Variants in COMMD7 observed in about 807,000 individuals in gnomAD.
The protein encoded by COMMD7 is COMM domain containing 7.
In COMMD7, 28 loss-of-function variants were observed where a neutral mutation model predicts 34.8. The observed-to-expected ratio is 0.80, with a 90% confidence interval of 0.60 to 1.10. The LOEUF (loss-of-function observed/expected upper bound fraction) is 1.10. Ranked by LOEUF, COMMD7 falls within the 50% of genes least tolerant of loss-of-function variation. The pLI, the probability that COMMD7 is intolerant of heterozygous loss-of-function variation, is 0.00. For synonymous variants in COMMD7, 80 were observed against 86.4 expected (o/e 0.93, Z 0.41); for missense variants, 211 against 241.6 (o/e 0.87, Z 0.84).
At chr20:32,721,951 T>C (rs1260053654) in intron 3 of COMMD7, among the ~76,000 whole-genome samples, 1 of 148,898 alleles carries the variant, frequency 6.7e-6, no homozygotes, top group Non-Finnish European at 1.5e-5. Context: ...GTCCCAGCTA[T>C]TTGGGAGGCT....
chr20:32,737,075 T>C (rs1032542530), intron 1 of COMMD7, among the ~76,000 whole-genome samples: 1 of 150,656 alleles, frequency 6.6e-6, no homozygotes, highest in Admixed American at 6.6e-5. Context: ...CCAGCCACTC[T>C]GGAGGCTGAG....
Position 32,703,301 on chromosome 20 carries a change from G to A in COMMD7, c.*81C>T. ...CCCATGGAGCATCCCACAGGCCTGT[G>A]AGTGAAGTGCCTCTCAGAGCAGTCA... On this transcript the variant is annotated 3_prime_UTR_variant, in exon 9 of 9. Coordinates refer to ENST00000278980, the MANE Select transcript of COMMD7 (RefSeq NM_053041.3). 1 of 1,292,654 alleles carries A rather than the reference G, an allele frequency of 7.7e-7. No individual in the cohort carries two copies. Among genetic ancestry groups the A allele is most frequent in the Non-Finnish European group, 1.1e-6 (1 of 909,102 alleles). The allele number at this position is 1,292,654 out of a possible 1,614,324, so 80.1% of individuals were successfully genotyped here. A position where few individuals can be genotyped will look rare whatever the true frequency, so the allele number is the denominator to read the frequency against.
intron 1 of COMMD7, among the ~76,000 whole-genome samples, chr20:32,734,544 T>C (rs770470338): frequency 1.3e-5 from 2 of 151,916 alleles, no homozygotes; most frequent in East Asian, 3.9e-4. Context: ...TCTATATATA[T>C]ATAAAAATTC....
chr20:32,743,382 G>C lies in COMMD7; in HGVS notation c.10C>G (p.Leu4Val), dbSNP rs1568801606. Residue 4 changes from leucine to valine, a missense_variant, in exon 1 of 9, where the codon CTG becomes GTG. Transcript: ENST00000278980. MGR[L>V]HCTEDPVPEA... ...GGCACCGGGTCCTCAGTGCAGTGCA[G>C]GCGGCCCATGGCGCGCGCCCCAGCC... The C allele has an allele frequency of 1.1e-5, 16 of 1,400,430 alleles. No individual in the cohort carries two copies. The highest frequency in any genetic ancestry group is 1.5e-5 in the African/African-American group (1 of 66,384). The allele number at this position is 1,400,430 out of a possible 1,614,324, so 86.8% of individuals were successfully genotyped here.
intron 3 of COMMD7, 134 bp downstream of exon 3, chr20:32,727,757 GAC>G: frequency 1.4e-6 from 1 of 701,326 alleles, no homozygotes; most frequent in South Asian, 1.7e-5. Context: ...TCCCTCCAGA[GAC>G]AGAGTCCCAC....
chr20:32,719,128 C>G (rs770611892), intron 3 of COMMD7, among the ~76,000 whole-genome samples: 1 of 152,138 alleles, frequency 6.6e-6, no homozygotes, highest in Non-Finnish European at 1.5e-5. Context: ...CCTTGAATGC[C>G]AAACTGAGGC....
At chr20:32,704,953 CCT>C (rs1568770541) in intron 5 of COMMD7, 49 bp from the exon 6 acceptor site, 3 of 1,280,770 alleles carry the variant, frequency 2.3e-6, no homozygotes, top group African/African-American at 2.9e-5. Flanking sequence ...AAAATCTCCC[CCT>C]CTCCATCCTG....
At chr20:32,707,393 C>A (rs1300007538) in intron 3 of COMMD7, among the ~76,000 whole-genome samples, 2 of 151,232 alleles carry the variant, frequency 1.3e-5, no homozygotes, top group African/African-American at 4.8e-5. Context: ...GATCTCGGCT[C>A]ACTGCAACCT....
In COMMD7 at chr20:32,703,126, C is replaced by CA; in HGVS notation, c.*255dup. 2 of 354,142 alleles carry CA rather than the reference C, an allele frequency of 5.6e-6. No individual in the cohort carries two copies. Among genetic ancestry groups the CA allele is most frequent in the South Asian group, 1.1e-4 (1 of 8,990 alleles). 21.9% of individuals were successfully genotyped at this position (354,142 alleles called of 1,614,324 possible). A position where few individuals can be genotyped will look rare whatever the true frequency, so the allele number is the denominator to read the frequency against. On this transcript the variant is annotated 3_prime_UTR_variant, in exon 9 of 9. Transcript: ENST00000278980. Reference sequence around the variant, plus strand: ...CTGAATCTGAGATGCAGTGGCCTGTCAGAGTATCTAAAAATGTGTCCTGGA... The same window carrying CA: ...CTGAATCTGAGATGCAGTGGCCTGTCAAGAGTATCTAAAAATGTGTCCTGGA...
Position 32,728,252 on chromosome 20 carries a change from G to A in COMMD7, c.85-110C>T. On this transcript the variant is annotated intron_variant, in intron 1 of 8. Coordinates refer to ENST00000278980, the MANE Select transcript of COMMD7 (RefSeq NM_053041.3). The stretch of plus-strand genomic sequence containing the variant: ...GAGGGAAGAACAGTAACAGCCAGGT[G>A]TTATGCCTGTTCTGATCATCCTATA... The A allele has an allele frequency of 3.2e-6, 3 of 933,840 alleles. No individual in the cohort carries two copies. The East Asian group carries it at 7.7e-5, about 24-fold the overall frequency. 57.8% of individuals were successfully genotyped at this position (933,840 alleles called of 1,614,324 possible).
chr20:32,719,335 A>G (rs1985006893), intron 3 of COMMD7, among the ~76,000 whole-genome samples: 1 of 152,164 alleles, frequency 6.6e-6, no homozygotes, highest in East Asian at 1.9e-4. Flanking sequence ...GAAGGGATGC[A>G]CAAGGACAAA....
In COMMD7 at chr20:32,703,437, T is replaced by C; in HGVS notation, c.548A>G (p.Tyr183Cys). 1 of 1,613,918 alleles carries C rather than the reference T, an allele frequency of 6.2e-7. No homozygotes were observed. The highest frequency in any genetic ancestry group is 1.1e-5 in the South Asian group (1 of 91,058). ...VYIELTLPQFYSFLHEMERVR... is the reference protein window; with the variant it reads ...VYIELTLPQFCSFLHEMERVR... Reference sequence around the variant, plus strand: ...TCGCTCCATCTCGTGCAGGAAGCTGTAGAACTGAGGCAAGGTTAATTCTGG... The same window carrying C: ...TCGCTCCATCTCGTGCAGGAAGCTGCAGAACTGAGGCAAGGTTAATTCTGG... Residue 183 changes from tyrosine (Y) to cysteine (C), a missense_variant, in exon 9 of 9, where the codon TAC (tyrosine) becomes TGC (cysteine). Coordinates refer to ENST00000278980, the MANE Select transcript of COMMD7 (RefSeq NM_053041.3).
chr20:32,732,180 T>C (rs1017572482), intron 1 of COMMD7, among the ~76,000 whole-genome samples: 1 of 152,026 alleles, frequency 6.6e-6, no homozygotes, highest in Non-Finnish European at 1.5e-5. Context: ...ACCTCTTGGG[T>C]TCAAAGCAAT....
At chr20:32,716,432 G>A (rs574626635) in intron 3 of COMMD7, among the ~76,000 whole-genome samples, 7 of 152,038 alleles carry the variant, frequency 4.6e-5, no homozygotes, top group Non-Finnish European at 8.8e-5. Flanking sequence ...TGGCTAACAC[G>A]GTGAAACCCT....
intron 3 of COMMD7, among the ~76,000 whole-genome samples, chr20:32,724,100 T>G (rs1330915115): frequency 1.3e-4 from 1 of 7,744 alleles, no homozygotes; most frequent in African/African-American, 4.4e-4. Flanking sequence ...AGGTGGGGGG[T>G]CAGCCCCCCG....
intron 3 of COMMD7, among the ~76,000 whole-genome samples, chr20:32,719,170 G>A (rs1984998147): frequency 6.6e-6 from 1 of 152,180 alleles, no homozygotes; most frequent in Non-Finnish European, 1.5e-5. Context: ...GTAAACAGTT[G>A]AGAGAAGCAG....
chr20:32,707,469 G>A (rs990473128), intron 3 of COMMD7, among the ~76,000 whole-genome samples: 3 of 151,418 alleles, frequency 2.0e-5, no homozygotes, highest in East Asian at 2.0e-4. Flanking sequence ...ACAGGCGTGC[G>A]CCACCACACC....
intron 3 of COMMD7, among the ~76,000 whole-genome samples, chr20:32,727,394 G>A (rs950773953): frequency 1.3e-5 from 2 of 151,758 alleles, no homozygotes; most frequent in South Asian, 2.1e-4. Context: ...AAAATTAGCT[G>A]GGCGTGGTGG....
chr20:32,733,933 C>T (rs924875721), intron 1 of COMMD7, among the ~76,000 whole-genome samples: 2 of 150,516 alleles, frequency 1.3e-5, no homozygotes, highest in Non-Finnish European at 3.0e-5. Context: ...AATCCCAATA[C>T]TTAGGGAGGC....
Sources: allele counts gnomAD v4.1 joint callset (sites outside exome capture counted in the v4.1 genomes callset), GRCh38; gene constraint gnomAD v4.1.1; transcripts MANE v1.5; gene names NCBI Gene and HGNC (gene_info 2026-07-23, HGNC 2026-07-21).